The following LRRC69 variants were observed in gnomAD, a reference collection of about 807,000 sequenced individuals.
The protein encoded by LRRC69 is leucine-rich repeat-containing protein 69.
LRRC69 carries 42 observed loss-of-function variants against 37.8 expected under a neutral mutation model. That is an observed-to-expected ratio of 1.11 (90% CI 0.87 to 1.44). The LOEUF (loss-of-function observed/expected upper bound fraction) is 1.44. Among genes scored for constraint, LRRC69 ranks in the 40% most tolerant of loss-of-function variants. The probability of loss-of-function intolerance (pLI) is 0.00; values close to 1 mark genes in which losing one functional copy is unlikely to be tolerated. For synonymous variants in LRRC69, 141 were observed against 143.1 expected (o/e 0.99, Z 0.11); for missense variants, 357 against 401.9 (o/e 0.89, Z 0.96).
intron 5 of LRRC69, among the ~76,000 whole-genome samples, chr8:91,143,422 C>G (rs73697117): frequency 0.02 from 2,987 of 152,034 alleles, 83 homozygotes; most frequent in African/African-American, 0.068. Flanking sequence ...TAAATTATAC[C>G]CAATGCTACA....
rs35797312 is a variant in LRRC69, at chr8:91,185,363, C to CTGTG, written c.652-4143_652-4140dup. Among the ~76,000 whole-genome samples, 587 of 150,432 alleles carry CTGTG rather than the reference C, an allele frequency of 3.9e-3. 2 individuals are homozygous for CTGTG. The highest frequency in any genetic ancestry group is 0.01 in the African/African-American group (417 of 41,038). On this transcript the variant is annotated intron_variant, in intron 5 of 7. Transcript: ENST00000448384. ...TCTGTCTGTCTCTCTCTCTCTCTAT[C>CTGTG]TGTGTGTGTGTGTGTGTGTTTATAG...
At position 91,124,488 on chromosome 8, in the gene LRRC69, T is replaced by A; in HGVS notation, c.184-5T>A. 6.6e-7 allele frequency: 1 copy of A among 1,525,840 alleles called. No homozygotes were observed. 94.5% of individuals were successfully genotyped at this position (1,525,840 alleles called of 1,614,324 possible). A position where few individuals can be genotyped will look rare whatever the true frequency, so the allele number is the denominator to read the frequency against. ...TGAGTCCATTAAACCTCTATATGTT[T>A]GCAGTTGACAACACTAAATCTGGGA... On this transcript the variant is annotated splice_region_variant and splice_polypyrimidine_tract_variant and intron_variant, in intron 1 of 7. Transcript: ENST00000448384.
intron 7 of LRRC69, among the ~76,000 whole-genome samples, chr8:91,218,202 T>C (rs1810089940): frequency 6.6e-6 from 1 of 152,182 alleles, no homozygotes; most frequent in Non-Finnish European, 1.5e-5. Flanking sequence ...TGGAAATCTT[T>C]TGGATTCTCT....
At position 91,136,251 on chromosome 8, in the gene LRRC69, A is replaced by G. The variant is rs1370333592; in HGVS notation, c.651+512A>G. 2.6e-5 allele frequency among the ~76,000 whole-genome samples: 4 copies of G among 152,016 alleles called. No homozygotes were observed. In the East Asian group the frequency reaches 7.7e-4, roughly 29 times the overall value. ...TGAGAAAGAAATGTCAGTTTTTCCT[A>G]TTGCATTTTTATATCCAATTGAACA... On this transcript the variant is annotated intron_variant, in intron 5 of 7. Coordinates refer to ENST00000448384, the Ensembl canonical transcript of LRRC69.
chr8:91,188,426 A>ACATCCCTT (rs553478411), intron 5 of LRRC69, among the ~76,000 whole-genome samples: 86 of 152,320 alleles, frequency 5.6e-4, no homozygotes, highest in Non-Finnish European at 9.8e-4. Context: ...CTAATTTTGC[A>ACATCCCTT]CATCCCTTCC....
intron 1 of LRRC69, among the ~76,000 whole-genome samples, chr8:91,111,987 G>A (rs1813416874): frequency 6.6e-6 from 1 of 151,950 alleles, no homozygotes; most frequent in African/African-American, 2.4e-5. Flanking sequence ...AAAGGAGGAT[G>A]CCTTCATGGG....
chr8:91,145,303 C>G (rs1316036829), intron 5 of LRRC69, among the ~76,000 whole-genome samples: 2 of 151,908 alleles, frequency 1.3e-5, no homozygotes, highest in African/African-American at 4.8e-5. Context: ...AATATCTCCA[C>G]AATATAGTGA....
chr8:91,165,868 C>T (rs973694102), intron 5 of LRRC69, among the ~76,000 whole-genome samples: 1 of 151,706 alleles, frequency 6.6e-6, no homozygotes, highest in Non-Finnish European at 1.5e-5. Context: ...CCTGAGTTGG[C>T]TGTAGAAGAA....
intron 7 of LRRC69, among the ~76,000 whole-genome samples, chr8:91,218,017 T>C (rs1374711732): frequency 1.3e-5 from 2 of 152,150 alleles, no homozygotes; most frequent in South Asian, 2.1e-4. Context: ...GGTGGATCAA[T>C]AACTGTGCTT....
intron 5 of LRRC69, chr8:91,157,469 G>T: frequency 6.2e-7 from 1 of 1,602,134 alleles, no homozygotes; most frequent in Non-Finnish European, 8.5e-7. Flanking sequence ...TGCAAGAAAG[G>T]AAGTTTACAT....
chr8:91,138,523 TA>T (rs1178481207), intron 5 of LRRC69, among the ~76,000 whole-genome samples: 1 of 151,332 alleles, frequency 6.6e-6, no homozygotes, highest in African/African-American at 2.4e-5. Flanking sequence ...GTGTGCAATT[TA>T]GAAAATGCAA....
chr8:91,171,548 G>A (rs566585594), intron 5 of LRRC69, among the ~76,000 whole-genome samples: 2 of 152,106 alleles, frequency 1.3e-5, no homozygotes, highest in South Asian at 4.1e-4. Context: ...GAAAATCTTA[G>A]AATCAGCACA....
chr8:91,135,662 A>C lies in LRRC69; in HGVS notation c.580-6A>C. The C allele has an allele frequency of 6.9e-7, 1 of 1,443,040 alleles. No individual in the cohort carries two copies. The highest frequency in any genetic ancestry group is 9.2e-7 in the Non-Finnish European group (1 of 1,090,220). The allele number at this position is 1,443,040 out of a possible 1,614,324, so 89.4% of individuals were successfully genotyped here. On this transcript the variant is annotated splice_polypyrimidine_tract_variant and splice_region_variant and intron_variant, in intron 4 of 7. Coordinates refer to ENST00000448384, the Ensembl canonical transcript of LRRC69. Reference sequence around the variant, plus strand: ...AAAAATCTCTCTCTTCTGTTTTCTGACACAGGAACTTTGTGATCTTAAAAA... The same window carrying C: ...AAAAATCTCTCTCTTCTGTTTTCTGCCACAGGAACTTTGTGATCTTAAAAA...
chr8:91,155,738 TTA>T (rs1808822055), intron 5 of LRRC69, among the ~76,000 whole-genome samples: 1 of 150,850 alleles, frequency 6.6e-6, no homozygotes, highest in East Asian at 1.9e-4. Flanking sequence ...CATGCGGTAT[TTA>T]TCTTTCTGTG....
chr8:91,208,027 G>T (rs1228255665), intron 7 of LRRC69, among the ~76,000 whole-genome samples: 3 of 152,082 alleles, frequency 2.0e-5, no homozygotes, highest in African/African-American at 7.2e-5. Flanking sequence ...TCTTCCTTTG[G>T]TACATGTCTG....
At chr8:91,107,667 G>A (rs976972570) in intron 1 of LRRC69, among the ~76,000 whole-genome samples, 1 of 151,982 alleles carries the variant, frequency 6.6e-6, no homozygotes, top group East Asian at 1.9e-4. Context: ...AAATGAGGGG[G>A]TAGGGGTTCT....
chr8:91,111,234 C>T (rs1813405840), intron 1 of LRRC69, among the ~76,000 whole-genome samples: 1 of 151,890 alleles, frequency 6.6e-6, no homozygotes, highest in African/African-American at 2.4e-5. Context: ...ACTATGCAGT[C>T]ATAAAAAATG....
chr8:91,131,261 A>G (rs1813804640), intron 3 of LRRC69, among the ~76,000 whole-genome samples: 1 of 144,792 alleles, frequency 6.9e-6, no homozygotes, highest in Admixed American at 6.9e-5. Flanking sequence ...TTTGTTTAAG[A>G]TGGGGTCTCA....
intron 5 of LRRC69, chr8:91,157,721 C>T: frequency 6.2e-7 from 1 of 1,603,960 alleles, no homozygotes; most frequent in South Asian, 1.1e-5. Context: ...TACTGTGAAC[C>T]AATGCAGGTG....
Sources: gnomAD v4.1 joint callset for allele counts (sites outside exome capture counted in the v4.1 genomes callset) on GRCh38, gnomAD v4.1.1 for gene constraint, MANE v1.5 for transcripts, NCBI Gene and HGNC (gene_info 2026-07-23, HGNC 2026-07-21) for gene names.